Variants in KCNJ12 observed in about 807,000 individuals in gnomAD.
KCNJ12 encodes the protein ATP-sensitive inward rectifier potassium channel 12.
Under a neutral mutation model 22.3 loss-of-function variants are expected in KCNJ12, and 2 were observed. The observed-to-expected ratio is 0.09, with a 90% CI of 0.04 to 0.28. The LOEUF (loss-of-function observed/expected upper bound fraction) is 0.28, where lower values mean the gene tolerates loss of function less well. KCNJ12 is among the 10% of genes least tolerant of loss of function. The pLI is 1.00. For synonymous variants in KCNJ12, 117 were observed against 261.4 expected, an observed-to-expected ratio of 0.45 and a Z score of 5.33; for missense variants, 155 against 633.3, an observed-to-expected ratio of 0.24 and a Z score of 8.11.
rs782171551 is a variant in KCNJ12, at chr17:21,416,635, A to C, written c.1293A>C (p.Ser431=). Residue 431 remains serine, a synonymous_variant, in exon 3 of 3, where the codon TCA becomes TCC. Transcript: ENST00000583088. Reference sequence around the variant, plus strand: ...AGCAGCGGCCCTACAGACGGGAGTCAGAGATCTGAGCCAACCTTGGCCGAC... The same window carrying C: ...AGCAGCGGCCCTACAGACGGGAGTCCGAGATCTGAGCCAACCTTGGCCGAC... The part of the protein sequence containing the change: ...VLEQRPYRRE[S]EI 6.2e-7 allele frequency: 1 copy of C among 1,605,990 alleles called. No homozygotes were observed. The highest frequency in any genetic ancestry group is 8.5e-7 in the Non-Finnish European group (1 of 1,177,072).
intron 2 of KCNJ12, among the ~76,000 whole-genome samples, chr17:21,410,747 C>G (rs1597579191): frequency 6.6e-6 from 1 of 152,282 alleles, no homozygotes; most frequent in Non-Finnish European, 1.5e-5. Flanking sequence ...ACTGGTTTCA[C>G]CCCTACAGCC....
rs560706413 is a variant in KCNJ12 at position 21,395,305 on chromosome 17, A to C, written c.-178-13214A>C. ...GCAAGATCCTAAAGAAAAAAAAAAAAAAAAAAAAACGGCGCACAGTGACTC... is the reference window on the plus strand; with the variant it reads ...GCAAGATCCTAAAGAAAAAAAAAAACAAAAAAAAACGGCGCACAGTGACTC... On this transcript the variant is annotated intron_variant, in intron 1 of 2. Coordinates refer to ENST00000583088, the MANE Select transcript of KCNJ12 (RefSeq NM_021012.5). 1.5e-4 allele frequency among the ~76,000 whole-genome samples: 23 copies of C among 151,114 alleles called. 1 individual carries two copies. In the East Asian group the frequency reaches 2.5e-3, roughly 17 times the overall value.
intron 1 of KCNJ12, among the ~76,000 whole-genome samples, chr17:21,384,903 G>C (rs537395874): frequency 6.6e-6 from 1 of 151,968 alleles, no homozygotes; most frequent in African/African-American, 2.4e-5. Flanking sequence ...CTCCCGAGTA[G>C]CTGGGACTAT....
intron 1 of KCNJ12, among the ~76,000 whole-genome samples, chr17:21,377,330 G>A (rs9895199): frequency 0.67 from 101,702 of 151,826 alleles, 34,477 homozygotes; most frequent in African/African-American, 0.78. Flanking sequence ...GATCGAGGTG[G>A]GGTTCGGAGG....
intron 1 of KCNJ12, among the ~76,000 whole-genome samples, chr17:21,403,077 G>C (rs1336176894): frequency 1.3e-5 from 2 of 152,310 alleles, no homozygotes; most frequent in Non-Finnish European, 2.9e-5. Context: ...ACTCACGGAG[G>C]AGCAAGGGAC....
chr17:21,387,459 A>G (rs1905105562), intron 1 of KCNJ12, among the ~76,000 whole-genome samples: 1 of 151,428 alleles, frequency 6.6e-6, no homozygotes, highest in Non-Finnish European at 1.5e-5. Context: ...AAAAAAAAAA[A>G]AAAAAAGAAA....
At chr17:21,394,007 G>C (rs1905271725) in intron 1 of KCNJ12, among the ~76,000 whole-genome samples, 2 of 152,216 alleles carry the variant, frequency 1.3e-5, no homozygotes, top group South Asian at 4.1e-4. Flanking sequence ...ACAGGTTGGA[G>C]TAATAAGGGG....
intron 2 of KCNJ12, among the ~76,000 whole-genome samples, chr17:21,410,250 G>A (rs1906243122): frequency 6.6e-6 from 1 of 152,202 alleles, no homozygotes; most frequent in Admixed American, 6.5e-5. Flanking sequence ...AGCCAGCCCT[G>A]CCTCTCACAC....
chr17:21,394,950 G>A lies in KCNJ12; in HGVS notation c.-178-13569G>A, dbSNP rs534002301. ...GGTGGCAGGCCTGGACACAGACCATGACCACATGGGATCCATGGGCTGCTT... is the reference window on the plus strand; with the variant it reads ...GGTGGCAGGCCTGGACACAGACCATAACCACATGGGATCCATGGGCTGCTT... On this transcript the variant is annotated intron_variant, in intron 1 of 2. Coordinates refer to ENST00000583088, the MANE Select transcript of KCNJ12 (RefSeq NM_021012.5). 2.0e-5 allele frequency among the ~76,000 whole-genome samples: 3 copies of A among 152,334 alleles called. No individual in the cohort carries two copies. In the East Asian group the frequency reaches 5.8e-4, roughly 29 times the overall value.
rs782203705 is a variant in KCNJ12, at chr17:21,415,723, G to C, written c.381G>C (p.Val127=). ...GRGRTPCVMQ[V]HGFMAAFLFS... is the part of the protein sequence containing the mutation. ...GCCGCACACCCTGTGTGATGCAGGTGCACGGCTTCATGGCGGCCTTCCTCT... is the reference window on the plus strand; with the variant it reads ...GCCGCACACCCTGTGTGATGCAGGTCCACGGCTTCATGGCGGCCTTCCTCT... The change falls in exon 3 of 3, where the codon GTG becomes GTC. Residue 127 remains valine, a synonymous_variant. Transcript: ENST00000583088. The C allele has an allele frequency of 6.2e-7, 1 of 1,613,100 alleles. No individual in the cohort carries two copies. Among genetic ancestry groups the C allele is most frequent in the Non-Finnish European group, 8.5e-7 (1 of 1,179,924 alleles).
At chr17:21,395,315 C>T (rs1349674040) in intron 1 of KCNJ12, among the ~76,000 whole-genome samples, 157 of 125,034 alleles carry the variant, frequency 1.3e-3, no homozygotes, top group Non-Finnish European at 2.1e-3. Context: ...AAAAAAAAAA[C>T]GGCGCACAGT....
At chr17:21,391,826 G>A (rs929002490) in intron 1 of KCNJ12, among the ~76,000 whole-genome samples, 9 of 152,318 alleles carry the variant, frequency 5.9e-5, no homozygotes, top group African/African-American at 9.6e-5. Context: ...CAGTCTCCTC[G>A]TCACTAGAAG....
In KCNJ12 at chr17:21,376,886, G is replaced by A. The variant is rs1555557331; in HGVS notation, c.-206G>A. 6.6e-6 allele frequency: 1 copy of A among 151,562 alleles called. No homozygotes were observed. 9.4% of individuals were successfully genotyped at this position (151,562 alleles called of 1,614,324 possible). On this transcript the variant is annotated 5_prime_UTR_variant, in exon 1 of 3. Coordinates refer to ENST00000583088, the MANE Select transcript of KCNJ12 (RefSeq NM_021012.5). This position sits in a 1 kb window ranked among gnomAD's most constrained non-coding sequence, Gnocchi z 5.3. Reference sequence around the variant, plus strand: ...CCGCCCGGAGCTTGGAGGACGCCGAGCGCGCCGCGCCCGGGCCACTGACCG... The same window carrying A: ...CCGCCCGGAGCTTGGAGGACGCCGAACGCGCCGCGCCCGGGCCACTGACCG...
At chr17:21,401,000 A>G (rs75106505) in intron 1 of KCNJ12, among the ~76,000 whole-genome samples, 1 of 152,310 alleles carries the variant, frequency 6.6e-6, no homozygotes, top group Non-Finnish European at 1.5e-5. Flanking sequence ...TGTGTCCAGC[A>G]TACATTTCAC....
intron 1 of KCNJ12, among the ~76,000 whole-genome samples, chr17:21,387,334 C>T (rs374564204): frequency 6.4e-4 from 93 of 144,336 alleles, no homozygotes; most frequent in African/African-American, 2.1e-3. Flanking sequence ...CCCAGCTACT[C>T]GGGAGGCTGA....
intron 2 of KCNJ12, among the ~76,000 whole-genome samples, chr17:21,413,290 T>G: frequency 1.0e-5 from 1 of 96,070 alleles, no homozygotes; most frequent in Non-Finnish European, 2.4e-5. Context: ...TCCTTGTTTG[T>G]AAAGCAGGGT....
chr17:21,405,519 G>A lies in KCNJ12; in HGVS notation c.-178-3000G>A, dbSNP rs1232970265. Among the ~76,000 whole-genome samples the A allele has an allele frequency of 6.6e-5, 10 of 152,374 alleles. 1 individual carries two copies. Among genetic ancestry groups the A allele is most frequent in the South Asian group, 2.1e-4 (1 of 4,826 alleles). ...ACACCCTCTGAGAGGCCTGGCAGGC[G>A]ACACCAGCCTCGTTTTTCAGAGGAA... On this transcript the variant is annotated intron_variant, in intron 1 of 2. Coordinates refer to ENST00000583088, the MANE Select transcript of KCNJ12 (RefSeq NM_021012.5).
chr17:21,411,338 G>A (rs1247016016), intron 2 of KCNJ12, among the ~76,000 whole-genome samples: 11 of 152,414 alleles, frequency 7.2e-5, no homozygotes, highest in East Asian at 5.8e-4. Flanking sequence ...GGGAGGCTGC[G>A]TCTGTAGGCA....
At chr17:21,412,426 T>C (rs1906412732) in intron 2 of KCNJ12, among the ~76,000 whole-genome samples, 1 of 152,308 alleles carries the variant, frequency 6.6e-6, no homozygotes, top group East Asian at 1.9e-4. Flanking sequence ...TGTGATTCTG[T>C]TCCTTGCAGG....
Sources: gnomAD v4.1 joint callset for allele counts (sites outside exome capture counted in the v4.1 genomes callset) on GRCh38, gnomAD v4.1.1 for gene constraint, Gnocchi (gnomAD v3.1) non-coding constraint, MANE v1.5 for transcripts, NCBI Gene and HGNC (gene_info 2026-07-23, HGNC 2026-07-21) for gene names.